The following TOX3 variants were observed in gnomAD, a reference collection of about 807,000 sequenced individuals.
TOX3 encodes the protein TOX high mobility group box family member 3.
In TOX3, 22 loss-of-function variants were observed where a neutral mutation model predicts 64.3. That is an observed-to-expected ratio of 0.34 (90% CI 0.24 to 0.49). The LOEUF (loss-of-function observed/expected upper bound fraction) is 0.49, where lower values mean the gene tolerates loss of function less well. Among genes scored for constraint, TOX3 ranks in the 20% least tolerant of loss-of-function variants. The pLI is 0.99. For synonymous variants in TOX3, 291 were observed against 273.6 expected (o/e 1.06, Z -0.63); for missense variants, 661 against 714.4 (o/e 0.93, Z 0.85).
At chr16:52,515,044 CAAGAGAATAT>C (rs1158805527) in intron 1 of TOX3, among the ~76,000 whole-genome samples, 1 of 125,694 alleles carries the variant, frequency 8.0e-6, no homozygotes, top group Non-Finnish European at 1.7e-5. Context: ...AAAAAGGACC[CAAGAGAATAT>C]AAGTCCCATG....
chr16:52,532,610 G>C (rs1483467232), intron 1 of TOX3, among the ~76,000 whole-genome samples: 2 of 152,206 alleles, frequency 1.3e-5, no homozygotes, highest in Non-Finnish European at 2.9e-5. Flanking sequence ...CAAAATATGT[G>C]TTTTTGAAGT....
intron 5 of TOX3, chr16:52,445,017 G>A (rs376539701): frequency 3.3e-5 from 5 of 152,316 alleles, no homozygotes; most frequent in African/African-American, 1.2e-4. Context: ...ATGGCTGGGT[G>A]TTCAGTCAAC....
At chr16:52,454,537 T>C (rs959966938) in intron 3 of TOX3, among the ~76,000 whole-genome samples, 2 of 152,168 alleles carry the variant, frequency 1.3e-5, no homozygotes, top group Non-Finnish European at 2.9e-5. Flanking sequence ...GGCTAAAGTG[T>C]CTCTTTGGAA....
chr16:52,511,355 G>A (rs780037638), intron 1 of TOX3, among the ~76,000 whole-genome samples: 3 of 152,112 alleles, frequency 2.0e-5, no homozygotes, highest in Non-Finnish European at 4.4e-5. Context: ...AGCTGGCTGT[G>A]GTGGCAAGCG....
intron 1 of TOX3, among the ~76,000 whole-genome samples, chr16:52,496,125 T>C (rs1339950311): frequency 2.0e-5 from 3 of 152,152 alleles, no homozygotes; most frequent in Non-Finnish European, 2.9e-5. Flanking sequence ...ATAATCAAGA[T>C]TGCTTAAATG....
At chr16:52,530,405 C>G (rs150103898) in intron 1 of TOX3, among the ~76,000 whole-genome samples, 1,621 of 151,660 alleles carry the variant, frequency 0.011, 18 homozygotes, top group Non-Finnish European at 0.015. Flanking sequence ...GCCATGATCT[C>G]AACCCACTGC....
In TOX3 at chr16:52,536,627, C is replaced by CTATA. The variant is rs57164139; in HGVS notation, c.87+10006_87+10009dup. Among the ~76,000 whole-genome samples, 145 of 34,242 alleles carry CTATA rather than the reference C, an allele frequency of 4.2e-3. 6 individuals carry two copies. Among genetic ancestry groups the CTATA allele is most frequent in the Middle Eastern group, 0.026 (1 of 38 alleles). 22.5% of individuals were successfully genotyped at this position (34,242 alleles called of 152,430 possible). On this transcript the variant is annotated intron_variant, in intron 1 of 6. Transcript: ENST00000219746. Reference sequence around the variant, plus strand: ...TCTTTTCTACTGAAATAGATATACACTATATATATATATATATATATATAT... The same window carrying CTATA: ...TCTTTTCTACTGAAATAGATATACACTATATATATATATATATATATATATATAT...
chr16:52,450,791 T>TGGAAGGAA (rs555228421), intron 3 of TOX3, among the ~76,000 whole-genome samples: 1,811 of 116,402 alleles, frequency 0.016, 27 homozygotes, highest in South Asian at 0.033. Context: ...TCAGTGGATG[T>TGGAAGGAA]GGAAGGAAGG....
chr16:52,498,163 G>C (rs1171645630), intron 1 of TOX3, among the ~76,000 whole-genome samples: 1 of 152,060 alleles, frequency 6.6e-6, no homozygotes, highest in Non-Finnish European at 1.5e-5. Context: ...ATTTTCATGG[G>C]AATCTTTAAT....
chr16:52,530,206 C>A (rs1021842997), intron 1 of TOX3, among the ~76,000 whole-genome samples: 1 of 152,092 alleles, frequency 6.6e-6, no homozygotes, highest in East Asian at 1.9e-4. Flanking sequence ...TCAGGAAAAG[C>A]GTCCCAGGAA....
chr16:52,529,823 C>T (rs1236105418), intron 1 of TOX3, among the ~76,000 whole-genome samples: 1 of 152,148 alleles, frequency 6.6e-6, no homozygotes, highest in African/African-American at 2.4e-5. Flanking sequence ...ATGAGCTATA[C>T]ATTGTAAATA....
intron 3 of TOX3, among the ~76,000 whole-genome samples, chr16:52,453,148 T>G: frequency 6.6e-6 from 1 of 151,988 alleles, no homozygotes; most frequent in East Asian, 1.9e-4. Flanking sequence ...GCCATCTAGC[T>G]TATTCTAAAT....
At chr16:52,462,292 C>T (rs555605259) in intron 3 of TOX3, among the ~76,000 whole-genome samples, 2 of 152,154 alleles carry the variant, frequency 1.3e-5, no homozygotes, top group South Asian at 2.1e-4. Flanking sequence ...AACGCCAGTC[C>T]GTGAAAGCAT....
chr16:52,499,659 C>T (rs1001905115), intron 1 of TOX3, among the ~76,000 whole-genome samples: 2 of 152,168 alleles, frequency 1.3e-5, no homozygotes, highest in Admixed American at 6.5e-5. Flanking sequence ...AAACCAGTGT[C>T]CTCCACAGGA....
At chr16:52,536,394 T>A (rs571938804) in intron 1 of TOX3, among the ~76,000 whole-genome samples, 2 of 151,030 alleles carry the variant, frequency 1.3e-5, no homozygotes, top group African/African-American at 4.9e-5. Flanking sequence ...GTGAAGACAT[T>A]TGGGGAGAGG....
At chr16:52,492,648 T>G (rs1310826897) in intron 1 of TOX3, among the ~76,000 whole-genome samples, 1 of 144,832 alleles carries the variant, frequency 6.9e-6, no homozygotes, top group Non-Finnish European at 1.5e-5. Context: ...AATTTTCATA[T>G]ACTGAATCTG....
chr16:52,461,894 G>A (rs548849025), intron 3 of TOX3, among the ~76,000 whole-genome samples: 1 of 152,208 alleles, frequency 6.6e-6, no homozygotes, highest in African/African-American at 2.4e-5. Context: ...TGCCTCTGGC[G>A]ATTCTGAATT....
intron 1 of TOX3, 37 bp downstream of exon 1, chr16:52,546,600 G>A: frequency 1.3e-6 from 2 of 1,520,434 alleles, no homozygotes; most frequent in Non-Finnish European, 1.8e-6. Flanking sequence ...TGGGGAGGTG[G>A]CCCCCGCCCC....
chr16:52,495,603 A>C (rs928865154), intron 1 of TOX3, among the ~76,000 whole-genome samples: 4 of 152,220 alleles, frequency 2.6e-5, no homozygotes, highest in Non-Finnish European at 5.9e-5. Context: ...CACACAGCAC[A>C]TGCACATGTG....
Sources: allele counts gnomAD v4.1 joint callset (sites outside exome capture counted in the v4.1 genomes callset), GRCh38; gene constraint gnomAD v4.1.1; transcripts MANE v1.5; gene names NCBI Gene and HGNC (gene_info 2026-07-23, HGNC 2026-07-21).